The following GRID2 variants were observed in gnomAD, a reference collection of about 807,000 sequenced individuals.
GRID2 encodes glutamate ionotropic receptor delta type subunit 2, also known as glutamate receptor ionotropic, delta-2.
A neutral mutation model predicts 114.8 loss-of-function variants in GRID2; 33 were observed. The observed-to-expected ratio is 0.29, with a 90% CI of 0.22 to 0.38. The LOEUF is 0.38. Ranked by LOEUF, GRID2 falls within the 10% of genes least tolerant of loss-of-function variation. The pLI, the probability that GRID2 is intolerant of heterozygous loss-of-function variation, is 1.00. For missense variants in GRID2, 1,184 were observed against 1,257.7 expected (o/e 0.94, Z 0.89); for synonymous variants, 505 against 449.9 (o/e 1.12, Z -1.55).
chr4:93,448,204 G>A (rs1003016214), intron 10 of GRID2, among the ~76,000 whole-genome samples: 1 of 151,738 alleles, frequency 6.6e-6, no homozygotes, highest in Non-Finnish European at 1.5e-5. Context: ...GGGAATAAGT[G>A]GAAGTAACAG....
At chr4:93,365,653 G>T (rs528298605) in intron 8 of GRID2, among the ~76,000 whole-genome samples, 1 of 152,260 alleles carries the variant, frequency 6.6e-6, no homozygotes, top group East Asian at 1.9e-4. Context: ...AGCAGGTAGT[G>T]AATAAGAGAA....
intron 8 of GRID2, among the ~76,000 whole-genome samples, chr4:93,341,371 C>A (rs1447793831): frequency 6.6e-6 from 1 of 151,662 alleles, no homozygotes; most frequent in African/African-American, 2.4e-5. Context: ...GTCACCCAGG[C>A]TGGAGCGCAG....
intron 2 of GRID2, among the ~76,000 whole-genome samples, chr4:92,968,670 A>G (rs1420756839): frequency 2.6e-5 from 4 of 151,824 alleles, no homozygotes; most frequent in Non-Finnish European, 5.9e-5. Flanking sequence ...ACATTGCCAC[A>G]TTGTAATTTT....
intron 1 of GRID2, among the ~76,000 whole-genome samples, chr4:92,558,680 A>G (rs1027065265): frequency 2.6e-5 from 4 of 152,170 alleles, no homozygotes; most frequent in African/African-American, 9.7e-5. Context: ...AGGCACCAAC[A>G]GATGCTGCCT....
At chr4:92,944,564 G>A (rs1446097724) in intron 2 of GRID2, among the ~76,000 whole-genome samples, 1 of 152,178 alleles carries the variant, frequency 6.6e-6, no homozygotes, top group Non-Finnish European at 1.5e-5. Context: ...CATGCTCAGT[G>A]CGCTGCACCC....
intron 2 of GRID2, among the ~76,000 whole-genome samples, chr4:92,977,046 C>T (rs1184321258): frequency 6.6e-6 from 1 of 152,052 alleles, no homozygotes; most frequent in Non-Finnish European, 1.5e-5. Context: ...ATTCAACAAT[C>T]AATCAGTAAA....
chr4:92,650,476 T>C (rs1041715096), intron 2 of GRID2, among the ~76,000 whole-genome samples: 1 of 152,136 alleles, frequency 6.6e-6, no homozygotes, highest in African/African-American at 2.4e-5. Flanking sequence ...TCCAGACATA[T>C]TCATTCGTAT....
At chr4:93,244,310 C>T (rs894423852) in intron 8 of GRID2, among the ~76,000 whole-genome samples, 4 of 151,758 alleles carry the variant, frequency 2.6e-5, no homozygotes, top group Admixed American at 2.6e-4. Context: ...AGTGTTTTCT[C>T]ATAAGTTGGT....
intron 2 of GRID2, among the ~76,000 whole-genome samples, chr4:92,686,496 A>G (rs1174300525): frequency 6.6e-5 from 10 of 152,008 alleles, no homozygotes; most frequent in Admixed American, 5.9e-4. Context: ...TTGACAACAA[A>G]TCTTGGTTTC....
chr4:92,346,810 T>A (rs1727788047), intron 1 of GRID2, among the ~76,000 whole-genome samples: 2 of 152,182 alleles, frequency 1.3e-5, no homozygotes, highest in Admixed American at 1.3e-4. Flanking sequence ...AATTAAAAAA[T>A]TCATGATAAG....
intron 1 of GRID2, among the ~76,000 whole-genome samples, chr4:92,486,644 G>C (rs1410428292): frequency 6.7e-6 from 1 of 149,264 alleles, no homozygotes; most frequent in Admixed American, 6.7e-5. Context: ...AGAGTAAAAA[G>C]ACAACCAATG....
chr4:92,897,804 T>C (rs1747279611), intron 2 of GRID2, among the ~76,000 whole-genome samples: 1 of 152,158 alleles, frequency 6.6e-6, no homozygotes, highest in African/African-American at 2.4e-5. Flanking sequence ...AGATAGCAGT[T>C]CCCTTGAAAT....
intron 8 of GRID2, among the ~76,000 whole-genome samples, chr4:93,269,576 G>A (rs1289375031): frequency 1.3e-5 from 2 of 152,182 alleles, no homozygotes; most frequent in Non-Finnish European, 2.9e-5. Flanking sequence ...CTAGAGAAGT[G>A]TTATTTCCTG....
At chr4:93,661,852 A>G (rs887367214) in intron 14 of GRID2, among the ~76,000 whole-genome samples, 4 of 152,182 alleles carry the variant, frequency 2.6e-5, no homozygotes, top group Non-Finnish European at 5.9e-5. Flanking sequence ...TTCTTATTAT[A>G]TAAACCGTAA....
chr4:93,209,253 C>G (rs1186909623), intron 5 of GRID2, among the ~76,000 whole-genome samples: 1 of 152,024 alleles, frequency 6.6e-6, no homozygotes, highest in African/African-American at 2.4e-5. Context: ...TCTTCCTACT[C>G]TCTTCCCTTC....
intron 8 of GRID2, among the ~76,000 whole-genome samples, chr4:93,333,381 G>A (rs898419026): frequency 6.6e-6 from 1 of 152,114 alleles, no homozygotes; most frequent in Admixed American, 6.5e-5. Flanking sequence ...ATTATGTACT[G>A]GTCCTGTTCA....
intron 4 of GRID2, among the ~76,000 whole-genome samples, chr4:93,159,637 T>G (rs915894705): frequency 6.6e-6 from 1 of 151,578 alleles, no homozygotes; most frequent in African/African-American, 2.4e-5. Context: ...TTTAATTTCA[T>G]TATTTTTCAT....
chr4:93,699,036 C>T (rs138164926), intron 14 of GRID2, among the ~76,000 whole-genome samples: 20 of 152,134 alleles, frequency 1.3e-4, no homozygotes, highest in Non-Finnish European at 2.7e-4. Flanking sequence ...AGTAGGGTGC[C>T]CATCCTATAA....
At chr4:92,894,130 C>T (rs2149472860) in intron 2 of GRID2, among the ~76,000 whole-genome samples, 1 of 152,228 alleles carries the variant, frequency 6.6e-6, no homozygotes, top group South Asian at 2.1e-4. Context: ...TTAACAAAAA[C>T]ATACATTATA....
Sources: allele counts gnomAD v4.1 joint callset (sites outside exome capture counted in the v4.1 genomes callset), GRCh38; gene constraint gnomAD v4.1.1; transcripts MANE v1.5; gene names NCBI Gene and HGNC (gene_info 2026-07-23, HGNC 2026-07-21).